The following RBM25 variants were observed in gnomAD, a reference collection of about 807,000 sequenced individuals.
The protein encoded by RBM25 is RNA binding motif protein 25.
RBM25 carries 19 observed loss-of-function variants against 120.7 expected under a neutral mutation model. That is an observed-to-expected ratio of 0.16 (90% CI 0.11 to 0.23). The LOEUF is 0.23. RBM25 is among the 10% of genes least tolerant of loss of function. The pLI is 1.00. For synonymous variants in RBM25, 390 were observed against 326.7 expected (o/e 1.19, Z -2.09); for missense variants, 605 against 1,041.5 (o/e 0.58, Z 5.77).
intron 18 of RBM25, among the ~76,000 whole-genome samples, chr14:73,118,949 A>G (rs1896490370): frequency 1.3e-5 from 2 of 151,796 alleles, no homozygotes; most frequent in Non-Finnish European, 1.5e-5. Flanking sequence ...TTGTATTTTT[A>G]GTAGAGATGG....
chr14:73,089,422 T>G (rs770242174), intron 6 of RBM25, among the ~76,000 whole-genome samples: 15 of 152,100 alleles, frequency 9.9e-5, no homozygotes, highest in Non-Finnish European at 2.1e-4. Flanking sequence ...TGGTGCGATC[T>G]TGGCTCACTG....
rs1426458107 is a variant in RBM25 at position 73,087,871 on chromosome 14, CAG to C, written c.383-129_383-128del. On this transcript the variant is annotated intron_variant, in intron 5 of 18. Coordinates refer to ENST00000261973, the MANE Select transcript of RBM25 (RefSeq NM_021239.3). ...ATGGTTATCAAAGGGAATTGGTGGA[CAG>C]GGGTGGAATTATGAATTGAGTGGTC... 4 of 810,112 alleles carry C rather than the reference CAG, an allele frequency of 4.9e-6. No individual in the cohort carries two copies. The East Asian group carries it at 1.1e-4, about 23-fold the overall frequency. The allele number at this position is 810,112 out of a possible 1,614,324, so 50.2% of individuals were successfully genotyped here. A position where few individuals can be genotyped will look rare whatever the true frequency, so the allele number is the denominator to read the frequency against.
At chr14:73,091,164 A>G (rs2140443699) in intron 6 of RBM25, among the ~76,000 whole-genome samples, 1 of 152,342 alleles carries the variant, frequency 6.6e-6, no homozygotes, top group South Asian at 2.1e-4. Context: ...ATAAGTCACT[A>G]TACTACGTAT....
rs1034582928 is a variant in RBM25 at position 73,121,170 on chromosome 14, G to A, written c.*1365G>A. ...GGTAAAGATTGGCCTGTTAGAAAAA[G>A]CATAATGTGAGCTTTGGATTACTGG... On this transcript the variant is annotated 3_prime_UTR_variant, in exon 19 of 19. Transcript: ENST00000261973. The A allele has an allele frequency of 1.3e-5, 2 of 151,872 alleles. No individual in the cohort carries two copies. The highest frequency in any genetic ancestry group is 6.6e-5 in the Admixed American group (1 of 15,180). The allele number at this position is 151,872 out of a possible 1,614,324, so 9.4% of individuals were successfully genotyped here.
chr14:73,095,475 G>A (rs1016479098), intron 6 of RBM25, among the ~76,000 whole-genome samples: 1 of 151,772 alleles, frequency 6.6e-6, no homozygotes, highest in Non-Finnish European at 1.5e-5. Flanking sequence ...GTGTGGTGGC[G>A]GGAGCCTGTG....
intron 13 of RBM25, chr14:73,109,124 T>A: frequency 3.0e-6 from 1 of 337,658 alleles, no homozygotes; most frequent in East Asian, 5.8e-5. Flanking sequence ...ACTTTAAGAA[T>A]GAAGGGAACA....
At chr14:73,087,968 G>A (rs561567920) in intron 5 of RBM25, 33 bp from the exon 6 acceptor site, 15 of 1,581,872 alleles carry the variant, frequency 9.5e-6, no homozygotes, top group Admixed American at 5.8e-5. Context: ...TAAGTGAATT[G>A]GTATTTCACT....
chr14:73,111,543 C>T lies in RBM25; in HGVS notation c.2033C>T (p.Pro678Leu). 2 of 1,605,176 alleles carry T rather than the reference C, an allele frequency of 1.2e-6. No individual in the cohort carries two copies. Among genetic ancestry groups the T allele is most frequent in the Non-Finnish European group, 1.7e-6 (2 of 1,177,088 alleles). The change falls in exon 16 of 19, where the codon CCT becomes CTT. Residue 678 changes from proline to leucine, a missense_variant. Pro to Leu is a moderately conservative substitution (Grantham distance 98). Around this residue, in one of 4 missense-constraint regions of RBM25, gnomAD observed 465 missense variants for 741.6 expected, o/e 0.63. Transcript: ENST00000261973. ...TTTACTGTAGGTGCTTCCAATAGTC[C>T]TGGTCAGCCTAATTCTGTGAAGAGA... ...LSLKLGASNS[P>L]GQPNSVKRKK... is the part of the protein sequence containing the mutation.
At chr14:73,097,592 C>T (rs1396256375) in intron 7 of RBM25, among the ~76,000 whole-genome samples, 3 of 152,170 alleles carry the variant, frequency 2.0e-5, no homozygotes, top group African/African-American at 7.2e-5. Flanking sequence ...GCCTCCGCTT[C>T]CTAAAGTGCC....
At chr14:73,064,439 G>A (rs1168305193) in intron 1 of RBM25, among the ~76,000 whole-genome samples, 2 of 151,346 alleles carry the variant, frequency 1.3e-5, no homozygotes, top group African/African-American at 4.8e-5. Context: ...CTGTCACCCA[G>A]GTTGGAGTGC....
intron 12 of RBM25, chr14:73,107,479 GAGAT>G (rs1896215671): frequency 9.6e-6 from 2 of 209,172 alleles, no homozygotes; most frequent in Non-Finnish European, 1.9e-5. Flanking sequence ...CAACTGTAGA[GAGAT>G]AGCTGCACAG....
rs764518024 is a variant in RBM25 at position 73,111,721 on chromosome 14, C to T, written c.2211C>T (p.His737=). ...GTVNTEEKRK[H]IKSLIEKIPT... Reference sequence around the variant, plus strand: ...TAAACACTGAAGAAAAGCGTAAACACATTAAGAGTCTCATTGAGAAAATCC... The same window carrying T: ...TAAACACTGAAGAAAAGCGTAAACATATTAAGAGTCTCATTGAGAAAATCC... The change falls in exon 16 of 19, where the codon CAC becomes CAT. Residue 737 remains histidine (H), a synonymous_variant. Coordinates refer to ENST00000261973, the MANE Select transcript of RBM25 (RefSeq NM_021239.3). 54 of 1,613,948 alleles carry T rather than the reference C, an allele frequency of 3.3e-5. No individual in the cohort carries two copies. In the Admixed American group the frequency reaches 8.7e-4, roughly 26 times the overall value.
At chr14:73,103,948 T>A (rs7149216) in intron 10 of RBM25, among the ~76,000 whole-genome samples, 3,145 of 91,264 alleles carry the variant, frequency 0.034, 60 homozygotes, top group Middle Eastern at 0.074. Context: ...TCTCTCTCTC[T>A]CACACACACA....
chr14:73,061,362 C>G (rs1895002255), intron 1 of RBM25, among the ~76,000 whole-genome samples: 1 of 151,078 alleles, frequency 6.6e-6, no homozygotes, highest in African/African-American at 2.4e-5. Flanking sequence ...GCCAATATGC[C>G]TTTTTTAAAA....
chr14:73,095,401 G>A (rs540290161), intron 6 of RBM25, among the ~76,000 whole-genome samples: 1 of 151,822 alleles, frequency 6.6e-6, no homozygotes, highest in Admixed American at 6.6e-5. Context: ...TCAGGAGATC[G>A]AGACCATCCT....
intron 10 of RBM25, among the ~76,000 whole-genome samples, chr14:73,104,937 C>G (rs1035372876): frequency 6.6e-6 from 1 of 151,808 alleles, no homozygotes; most frequent in East Asian, 1.9e-4. Context: ...TCTGTCCATT[C>G]CTGATACAGT....
At position 73,096,330 on chromosome 14, in the gene RBM25, T is replaced by C. The variant is rs142552273; in HGVS notation, c.544-585T>C. On this transcript the variant is annotated intron_variant, in intron 6 of 18. Transcript: ENST00000261973. ...ACTTACTTTGATTCCTTGTTAGGGT[T>C]GTAAGTGTATGGTTTCTATAAGTGG... Among the ~76,000 whole-genome samples the C allele has an allele frequency of 4.2e-3, 637 of 152,286 alleles. 4 individuals are homozygous for C. Among genetic ancestry groups the C allele is most frequent in the African/African-American group, 0.014 (598 of 41,552 alleles).
At chr14:73,088,860 G>T (rs1269007314) in intron 6 of RBM25, among the ~76,000 whole-genome samples, 1 of 152,102 alleles carries the variant, frequency 6.6e-6, no homozygotes. Context: ...ATCGCTTTTT[G>T]CTGGGCACGG....
At chr14:73,099,295 A>G in intron 7 of RBM25, 85 bp from the exon 8 acceptor site, 1 of 1,220,882 alleles carries the variant, frequency 8.2e-7, no homozygotes, top group Non-Finnish European at 1.2e-6. Flanking sequence ...TGTTCACGTC[A>G]TAAATGTATA....
Sources: allele counts gnomAD v4.1 joint callset (sites outside exome capture counted in the v4.1 genomes callset), GRCh38; gene constraint gnomAD v4.1.1; regional missense constraint gnomAD v4.1.1; transcripts MANE v1.5; gene names NCBI Gene and HGNC (gene_info 2026-07-23, HGNC 2026-07-21).